TMEM150C: variants seen among roughly 807,000 people sequenced by gnomAD.
The protein encoded by TMEM150C is tentonin 3.
A neutral mutation model predicts 29.9 loss-of-function variants in TMEM150C; 10 were observed. The ratio of observed to expected loss-of-function variants is 0.33; its 90% CI spans 0.21 to 0.57. The LOEUF (loss-of-function observed/expected upper bound fraction) is 0.57. Among genes scored for constraint, TMEM150C ranks in the 20% least tolerant of loss-of-function variants. The pLI is 0.88. For missense variants in TMEM150C, 251 were observed against 303.6 expected (o/e 0.83, Z 1.29); for synonymous variants, 101 against 112.5 (o/e 0.90, Z 0.64).
intron 1 of TMEM150C, among the ~76,000 whole-genome samples, chr4:82,541,408 C>T (rs1407953466): frequency 6.6e-6 from 1 of 151,672 alleles, no homozygotes; most frequent in Non-Finnish European, 1.5e-5. Context: ...TTTCAGATAA[C>T]CATTGATGTG....
At chr4:82,544,619 A>C (rs180887306) in intron 1 of TMEM150C, among the ~76,000 whole-genome samples, 8 of 152,254 alleles carry the variant, frequency 5.3e-5, no homozygotes, top group Admixed American at 2.0e-4. Flanking sequence ...TTTGCACAAA[A>C]AATACAAAAA....
At chr4:82,540,538 C>G (rs972737843) in intron 1 of TMEM150C, among the ~76,000 whole-genome samples, 2 of 151,932 alleles carry the variant, frequency 1.3e-5, no homozygotes, top group South Asian at 2.1e-4. Context: ...TATTTTGCAT[C>G]TTATTGCTTT....
chr4:82,543,477 T>G (rs1336404176), intron 1 of TMEM150C, among the ~76,000 whole-genome samples: 1 of 152,232 alleles, frequency 6.6e-6, no homozygotes, highest in Non-Finnish European at 1.5e-5. Flanking sequence ...GCAAGTCTAA[T>G]GCTTATTCCA....
At chr4:82,490,416 A>G (rs1441582451) in intron 6 of TMEM150C, among the ~76,000 whole-genome samples, 178 bp from the exon 7 acceptor site, 2 of 152,230 alleles carry the variant, frequency 1.3e-5, no homozygotes, top group African/African-American at 4.8e-5. Flanking sequence ...CTCTGAGGGG[A>G]TGAAGGAAAT....
intron 6 of TMEM150C, chr4:82,491,516 G>A: frequency 3.0e-6 from 2 of 671,854 alleles, no homozygotes; most frequent in Non-Finnish European, 5.3e-6. Context: ...CCTGTCCAAT[G>A]CCAAAATTCT....
At chr4:82,554,192 C>A (rs1725666920) in intron 1 of TMEM150C, among the ~76,000 whole-genome samples, 1 of 152,156 alleles carries the variant, frequency 6.6e-6, no homozygotes, top group African/African-American at 2.4e-5. Context: ...CCTGCTACTA[C>A]ATGTAGGTAT....
chr4:82,523,586 C>T (rs1724557681), intron 1 of TMEM150C, among the ~76,000 whole-genome samples: 1 of 152,148 alleles, frequency 6.6e-6, no homozygotes, highest in South Asian at 2.1e-4. Context: ...CCTGGTGGGG[C>T]CTTACAAGAA....
chr4:82,506,729 G>C (rs913404260), intron 1 of TMEM150C, among the ~76,000 whole-genome samples: 1 of 152,204 alleles, frequency 6.6e-6, no homozygotes, highest in Non-Finnish European at 1.5e-5. Context: ...TATTGCTAGT[G>C]AGTCTCTATT....
intron 1 of TMEM150C, among the ~76,000 whole-genome samples, chr4:82,510,004 A>G (rs532723267): frequency 6.6e-6 from 1 of 152,318 alleles, no homozygotes; most frequent in South Asian, 2.1e-4. Context: ...TGGAAGCTAC[A>G]AATGGAAAAG....
At chr4:82,550,126 G>A (rs922530146) in intron 1 of TMEM150C, among the ~76,000 whole-genome samples, 8 of 152,178 alleles carry the variant, frequency 5.3e-5, no homozygotes, top group African/African-American at 1.9e-4. Context: ...CCTGGTGGGA[G>A]GTGACTAGAT....
At position 82,484,323 on chromosome 4, in the gene TMEM150C, A is replaced by T. The variant is rs1723092520; in HGVS notation, c.*1188T>A. The T allele has an allele frequency of 6.6e-6, 1 of 151,628 alleles. No homozygotes were observed. 9.4% of individuals were successfully genotyped at this position (151,628 alleles called of 1,614,324 possible). A position where few individuals can be genotyped will look rare whatever the true frequency, so the allele number is the denominator to read the frequency against. The stretch of plus-strand genomic sequence containing the variant: ...AACTGGGAACTGCGGGTTGGCTAGC[A>T]GGGGGGCCAGCTGTGTCAATTTGGT... On this transcript the variant is annotated 3_prime_UTR_variant, in exon 8 of 8. Transcript: ENST00000449862.
chr4:82,496,985 A>G (rs1723578431), intron 5 of TMEM150C, among the ~76,000 whole-genome samples: 1 of 152,246 alleles, frequency 6.6e-6, no homozygotes, highest in Non-Finnish European at 1.5e-5. Flanking sequence ...AAGAAAACTC[A>G]ATTCCTGAAA....
At chr4:82,491,100 C>T (rs1473277827) in intron 6 of TMEM150C, 9 of 704,100 alleles carry the variant, frequency 1.3e-5, no homozygotes, top group East Asian at 1.0e-4. Context: ...CCCCATTTTA[C>T]GACACAGGGC....
intron 1 of TMEM150C, among the ~76,000 whole-genome samples, chr4:82,558,161 A>G (rs1284092837): frequency 2.0e-5 from 3 of 152,096 alleles, no homozygotes; most frequent in African/African-American, 7.2e-5. Flanking sequence ...TCTAGGAAAT[A>G]TGGGGAGAAA....
rs186347656 is a variant in TMEM150C, at chr4:82,539,539, G to A, written c.-11+22367C>T. ...ACGATCTCGGCTCACTGCAAGCTCC[G>A]CCTCCCGGGTTCACGCCATTCTCCT... On this transcript the variant is annotated intron_variant, in intron 1 of 7. Transcript: ENST00000449862. 3.7e-3 allele frequency among the ~76,000 whole-genome samples: 553 copies of A among 151,410 alleles called. 2 individuals carry two copies. The highest frequency in any genetic ancestry group is 0.013 in the African/African-American group (515 of 41,040).
chr4:82,513,436 C>T (rs1396407547), intron 1 of TMEM150C, among the ~76,000 whole-genome samples: 1 of 151,762 alleles, frequency 6.6e-6, no homozygotes, highest in Non-Finnish European at 1.5e-5. Context: ...TCAGTTTTGC[C>T]AATGAACTGC....
At chr4:82,554,479 T>A (rs1457041076) in intron 1 of TMEM150C, among the ~76,000 whole-genome samples, 1 of 152,182 alleles carries the variant, frequency 6.6e-6, no homozygotes, top group East Asian at 1.9e-4. Flanking sequence ...CAGCACAGTT[T>A]AAAAAATATA....
chr4:82,549,369 C>A (rs543474221), intron 1 of TMEM150C, among the ~76,000 whole-genome samples: 8 of 152,214 alleles, frequency 5.3e-5, no homozygotes, highest in Non-Finnish European at 8.8e-5. Flanking sequence ...CACAAAAAGA[C>A]AAATACTATA....
intron 1 of TMEM150C, among the ~76,000 whole-genome samples, chr4:82,516,382 A>G (rs1257247321): frequency 6.6e-6 from 1 of 152,102 alleles, no homozygotes; most frequent in African/African-American, 2.4e-5. Context: ...AGGAACCATG[A>G]GCACATAGCC....
Sources: allele counts gnomAD v4.1 joint callset (sites outside exome capture counted in the v4.1 genomes callset), GRCh38; gene constraint gnomAD v4.1.1; transcripts MANE v1.5; gene names NCBI Gene and HGNC (gene_info 2026-07-23, HGNC 2026-07-21).